The following DENND5A variants were observed in gnomAD, a reference collection of about 807,000 sequenced individuals.
DENND5A encodes the protein DENN domain-containing protein 5A.
In DENND5A, 64 loss-of-function variants were observed where a neutral mutation model predicts 140.3. The ratio of observed to expected loss-of-function variants is 0.46; its 90% CI spans 0.37 to 0.56. The LOEUF is 0.56. Among genes scored for constraint, DENND5A ranks in the 20% least tolerant of loss-of-function variants. The pLI is 0.00. For synonymous variants in DENND5A, 605 were observed against 607.7 expected, an observed-to-expected ratio of 1.00 and a Z score of 0.07; for missense variants, 1,292 against 1,593.8, an observed-to-expected ratio of 0.81 and a Z score of 3.22.
chr11:9,213,194 C>T (rs1160808066), intron 1 of DENND5A, among the ~76,000 whole-genome samples: 2 of 151,588 alleles, frequency 1.3e-5, no homozygotes, highest in Non-Finnish European at 1.5e-5. Context: ...TAAATAGTGA[C>T]GGGGTTTCAC....
rs538589903 is a variant in DENND5A at position 9,174,020 on chromosome 11, G to A, written c.1907-3243C>T. On this transcript the variant is annotated intron_variant, in intron 8 of 22. Coordinates refer to ENST00000328194, the MANE Select transcript of DENND5A (RefSeq NM_015213.4). The stretch of plus-strand genomic sequence containing the variant: ...CGGGAGGCTGAGGCAGGAGAATGGC[G>A]TGAACCCGGAAGGCAGAAGTTGCAG... Among the ~76,000 whole-genome samples the A allele has an allele frequency of 6.5e-4, 95 of 146,986 alleles. 1 individual carries two copies. Among genetic ancestry groups the A allele is most frequent in the African/African-American group, 2.1e-3 (82 of 39,780 alleles).
chr11:9,194,908 G>A (rs1164625507), intron 4 of DENND5A, among the ~76,000 whole-genome samples: 3 of 150,960 alleles, frequency 2.0e-5, no homozygotes, highest in Admixed American at 6.6e-5. Flanking sequence ...TGGTAGAGAC[G>A]GGGTTTCACC....
chr11:9,238,167 C>T (rs1194056414), intron 1 of DENND5A, among the ~76,000 whole-genome samples: 1 of 151,802 alleles, frequency 6.6e-6, no homozygotes, highest in Admixed American at 6.6e-5. Context: ...TAACTAAGAT[C>T]GATGGAATTT....
At chr11:9,249,270 A>T (rs1851613533) in intron 1 of DENND5A, among the ~76,000 whole-genome samples, 1 of 151,930 alleles carries the variant, frequency 6.6e-6, no homozygotes, top group African/African-American at 2.4e-5. Context: ...ACACTCCTGG[A>T]AAGTAATTCT....
chr11:9,189,830 G>A (rs1849053725), intron 5 of DENND5A, among the ~76,000 whole-genome samples: 2 of 152,108 alleles, frequency 1.3e-5, no homozygotes. Flanking sequence ...AGTAGAGATG[G>A]CGTATCTCCA....
chr11:9,177,254 G>GA (rs113043034), intron 8 of DENND5A, among the ~76,000 whole-genome samples: 1,354 of 64,872 alleles, frequency 0.021, 27 homozygotes, highest in African/African-American at 0.067. Flanking sequence ...ACCCTGTCTC[G>GA]AAAAAAAAAA....
chr11:9,158,830 C>G (rs1182460771), intron 12 of DENND5A, among the ~76,000 whole-genome samples: 1 of 152,138 alleles, frequency 6.6e-6, no homozygotes, highest in Non-Finnish European at 1.5e-5. Context: ...TTTTAAAAAA[C>G]CACTTCATTG....
At chr11:9,255,516 G>A (rs1340505239) in intron 1 of DENND5A, among the ~76,000 whole-genome samples, 2 of 152,050 alleles carry the variant, frequency 1.3e-5, no homozygotes, top group African/African-American at 2.4e-5. Flanking sequence ...TGAATGACCT[G>A]AGGTCAGGAG....
intron 1 of DENND5A, among the ~76,000 whole-genome samples, chr11:9,220,355 C>G (rs964390701): frequency 5.3e-5 from 8 of 152,018 alleles, no homozygotes; most frequent in African/African-American, 1.9e-4. Context: ...CAAGACCAGT[C>G]TGACCAACAT....
chr11:9,257,384 T>C (rs1311155667), intron 1 of DENND5A, among the ~76,000 whole-genome samples: 1 of 150,198 alleles, frequency 6.7e-6, no homozygotes, highest in Non-Finnish European at 1.5e-5. Flanking sequence ...TGAGTCATGA[T>C]TGTGCCACTG....
intron 1 of DENND5A, among the ~76,000 whole-genome samples, chr11:9,210,669 G>C (rs1377231580): frequency 6.6e-6 from 1 of 152,140 alleles, no homozygotes; most frequent in African/African-American, 2.4e-5. Flanking sequence ...TCAGCCTCCA[G>C]AGTAGCTAGG....
chr11:9,189,783 G>A (rs982578965), intron 5 of DENND5A, among the ~76,000 whole-genome samples: 3 of 152,200 alleles, frequency 2.0e-5, no homozygotes, highest in Non-Finnish European at 4.4e-5. Context: ...TGGGATAACA[G>A]GCTTGTGCCA....
intron 5 of DENND5A, among the ~76,000 whole-genome samples, chr11:9,187,055 G>A (rs1423319216): frequency 6.6e-6 from 1 of 152,142 alleles, no homozygotes; most frequent in African/African-American, 2.4e-5. Context: ...CTGCACTCCA[G>A]CCTAGGTAAC....
At chr11:9,199,217 G>C (rs1201858118) in intron 4 of DENND5A, among the ~76,000 whole-genome samples, 1 of 151,556 alleles carries the variant, frequency 6.6e-6, no homozygotes, top group Non-Finnish European at 1.5e-5. Context: ...TTTAAATAAG[G>C]CCAGGTGCAG....
intron 12 of DENND5A, among the ~76,000 whole-genome samples, 177 bp from the exon 13 acceptor site, chr11:9,152,619 A>G (rs185355777): frequency 6.6e-6 from 1 of 152,344 alleles, no homozygotes; most frequent in Admixed American, 6.5e-5. Flanking sequence ...AGAAATATAA[A>G]CAATGGAAGG....
chr11:9,171,021 G>A (rs976572665), intron 8 of DENND5A: 1 of 576,882 alleles, frequency 1.7e-6, no homozygotes, highest in Non-Finnish European at 2.9e-6. Context: ...TAACAAATGA[G>A]GTAACCCCTA....
At chr11:9,169,294 G>T (rs535466509) in intron 10 of DENND5A, among the ~76,000 whole-genome samples, 155 of 151,924 alleles carry the variant, frequency 1.0e-3, no homozygotes, top group Non-Finnish European at 2.0e-3. Flanking sequence ...TAAAAATACA[G>T]AAATTATCTG....
At chr11:9,179,331 G>C (rs936743173) in intron 6 of DENND5A, among the ~76,000 whole-genome samples, 2 of 152,096 alleles carry the variant, frequency 1.3e-5, no homozygotes, top group Admixed American at 6.5e-5. Context: ...AGATCTTTAT[G>C]GGCAGAGAGA....
At chr11:9,154,509 C>T (rs904503516) in intron 12 of DENND5A, among the ~76,000 whole-genome samples, 10 of 151,700 alleles carry the variant, frequency 6.6e-5, no homozygotes, top group African/African-American at 2.4e-4. Context: ...TTTCTATTCA[C>T]AAACTTGATC....
Sources: allele counts gnomAD v4.1 joint callset (sites outside exome capture counted in the v4.1 genomes callset), GRCh38; gene constraint gnomAD v4.1.1; transcripts MANE v1.5; gene names NCBI Gene and HGNC (gene_info 2026-07-23, HGNC 2026-07-21).